The following SDCCAG8 variants were observed in gnomAD, a reference collection of about 807,000 sequenced individuals.
The protein encoded by SDCCAG8 is serologically defined colon cancer antigen 8.
A neutral mutation model predicts 101.8 loss-of-function variants in SDCCAG8; 74 were observed. The ratio of observed to expected loss-of-function variants is 0.73; its 90% CI spans 0.60 to 0.88. SDCCAG8 has a LOEUF of 0.88. SDCCAG8 is among the 40% of genes least tolerant of loss of function. SDCCAG8 has a pLI of 0.00. For missense variants in SDCCAG8, 787 were observed against 822.6 expected (o/e 0.96, Z 0.53); for synonymous variants, 281 against 292.9 (o/e 0.96, Z 0.41).
chr1:243,309,175 G>T (rs563544022), intron 8 of SDCCAG8, among the ~76,000 whole-genome samples: 1 of 152,190 alleles, frequency 6.6e-6, no homozygotes, highest in African/African-American at 2.4e-5. Context: ...AGGCAGGTTA[G>T]CCTGTGACCA....
chr1:243,426,129 A>G (rs1218883394), intron 15 of SDCCAG8, among the ~76,000 whole-genome samples: 5 of 152,222 alleles, frequency 3.3e-5, no homozygotes, highest in African/African-American at 1.2e-4. Context: ...CTCAGTAAGT[A>G]TTTGTTAAAT....
intron 16 of SDCCAG8, among the ~76,000 whole-genome samples, chr1:243,434,281 C>A (rs1235380126): frequency 1.3e-5 from 2 of 152,208 alleles, no homozygotes; most frequent in Admixed American, 1.3e-4. Context: ...TGATCCCTGC[C>A]TCCTGCCACC....
At chr1:243,453,472 GTGT>G (rs1182215523) in intron 16 of SDCCAG8, among the ~76,000 whole-genome samples, 1 of 152,148 alleles carries the variant, frequency 6.6e-6, no homozygotes, top group African/African-American at 2.4e-5. Flanking sequence ...ACCAGACAGG[GTGT>G]TGTTTAAATA....
chr1:243,392,552 G>A (rs993144298), intron 13 of SDCCAG8, among the ~76,000 whole-genome samples: 6 of 152,160 alleles, frequency 3.9e-5, no homozygotes, highest in African/African-American at 1.4e-4. Context: ...AGTTAACAAC[G>A]TTTGGTTTGA....
At chr1:243,451,017 A>G (rs1208262327) in intron 16 of SDCCAG8, among the ~76,000 whole-genome samples, 2 of 152,246 alleles carry the variant, frequency 1.3e-5, no homozygotes, top group East Asian at 1.9e-4. Context: ...TGATATGACA[A>G]AATGTTCAAA....
Position 243,407,571 on chromosome 1 carries a change from C to G in SDCCAG8, c.1617-8131C>G, listed in dbSNP as rs564803450. Among the ~76,000 whole-genome samples, 4 of 152,260 alleles carry G rather than the reference C, an allele frequency of 2.6e-5. No individual in the cohort carries two copies. In the South Asian group the frequency reaches 8.3e-4, roughly 32 times the overall value. On this transcript the variant is annotated intron_variant, in intron 13 of 17. Transcript: ENST00000366541. The stretch of plus-strand genomic sequence containing the variant: ...GGCAATAGCTAGTCTACTGTATTGT[C>G]TTTTGCCTTGAAGGTAAGTTTTCAA...
chr1:243,375,277 T>C (rs1248112288), intron 12 of SDCCAG8, among the ~76,000 whole-genome samples: 1 of 152,150 alleles, frequency 6.6e-6, no homozygotes, highest in African/African-American at 2.4e-5. Flanking sequence ...GTGCATGCCA[T>C]TGGAGATTAG....
intron 16 of SDCCAG8, among the ~76,000 whole-genome samples, chr1:243,459,471 G>A (rs1658581074): frequency 6.6e-6 from 1 of 151,576 alleles, no homozygotes; most frequent in South Asian, 2.1e-4. Context: ...CCAGAAACAA[G>A]TCACTGAAGA....
chr1:243,269,542 C>G (rs753840623), intron 1 of SDCCAG8, among the ~76,000 whole-genome samples: 2 of 151,776 alleles, frequency 1.3e-5, no homozygotes, highest in Non-Finnish European at 2.9e-5. Flanking sequence ...GCTGTACCGC[C>G]GGGGCTGCCA....
At chr1:243,364,450 A>C (rs2076882837) in intron 12 of SDCCAG8, among the ~76,000 whole-genome samples, 1 of 152,180 alleles carries the variant, frequency 6.6e-6, no homozygotes. Context: ...TGGGAACCAG[A>C]GCATTCATAC....
chr1:243,284,463 GC>G (rs2069388794), intron 4 of SDCCAG8, among the ~76,000 whole-genome samples: 1 of 152,206 alleles, frequency 6.6e-6, no homozygotes, highest in African/African-American at 2.4e-5. Flanking sequence ...GTAGAGGGAA[GC>G]GTTCAATAGT....
rs188539306 is a variant in SDCCAG8 at position 243,492,584 on chromosome 1, G to A, written c.2112+3444G>A. Among the ~76,000 whole-genome samples the A allele has an allele frequency of 7.2e-4, 105 of 144,946 alleles. 2 individuals carry two copies. The highest frequency in any genetic ancestry group is 1.3e-3 in the Admixed American group (19 of 14,534). On this transcript the variant is annotated intron_variant, in intron 17 of 17. Coordinates refer to ENST00000366541, the MANE Select transcript of SDCCAG8 (RefSeq NM_006642.5). ...CTCCTAAAGTGCTGGGATTACAGGC[G>A]TGAGCCACTGCGCCCAGCTGTTTTT...
At chr1:243,382,828 C>T (rs1175630928) in intron 13 of SDCCAG8, among the ~76,000 whole-genome samples, 1 of 152,168 alleles carries the variant, frequency 6.6e-6, no homozygotes, top group Non-Finnish European at 1.5e-5. Flanking sequence ...GAAGTAGTAT[C>T]TTCAGAAGGT....
In SDCCAG8 at chr1:243,393,096, A is replaced by C. The variant is rs150570380; in HGVS notation, c.1616+14233A>C. On this transcript the variant is annotated intron_variant, in intron 13 of 17. Coordinates refer to ENST00000366541, the MANE Select transcript of SDCCAG8 (RefSeq NM_006642.5). ...TGAGCAACAAAACTGAAGCAAACTGAATCAGTGGGAGGTGGTTGTACAATC... is the reference window on the plus strand; with the variant it reads ...TGAGCAACAAAACTGAAGCAAACTGCATCAGTGGGAGGTGGTTGTACAATC... Among the ~76,000 whole-genome samples, 463 of 152,318 alleles carry C rather than the reference A, an allele frequency of 3.0e-3. 1 individual carries two copies. The highest frequency in any genetic ancestry group is 0.011 in the African/African-American group (439 of 41,568).
At chr1:243,408,562 C>T (rs898913244) in intron 13 of SDCCAG8, among the ~76,000 whole-genome samples, 1 of 152,070 alleles carries the variant, frequency 6.6e-6, no homozygotes, top group Non-Finnish European at 1.5e-5. Context: ...TGGCACACTC[C>T]CATATAGATA....
At chr1:243,307,919 A>T (rs1443440695) in intron 7 of SDCCAG8, 70 bp from the exon 8 acceptor site, 7 of 1,602,212 alleles carry the variant, frequency 4.4e-6, no homozygotes, top group Non-Finnish European at 5.9e-6. Context: ...AGTTAACATT[A>T]TGATGATTCA....
chr1:243,422,516 G>A (rs552586729), intron 15 of SDCCAG8, among the ~76,000 whole-genome samples: 1 of 152,268 alleles, frequency 6.6e-6, no homozygotes, highest in African/African-American at 2.4e-5. Flanking sequence ...TAGTTTTACT[G>A]TGTGGACTAT....
intron 16 of SDCCAG8, among the ~76,000 whole-genome samples, chr1:243,432,021 C>T (rs183485206): frequency 6.6e-6 from 1 of 152,186 alleles, no homozygotes; most frequent in Non-Finnish European, 1.5e-5. Flanking sequence ...ATGATCTTTA[C>T]CAAATCCGTA....
At chr1:243,291,417 T>A (rs1425379929) in intron 5 of SDCCAG8, among the ~76,000 whole-genome samples, 1 of 152,156 alleles carries the variant, frequency 6.6e-6, no homozygotes, top group East Asian at 1.9e-4. Flanking sequence ...TAATATGAAT[T>A]TTCACTGCCA....
Sources: allele counts gnomAD v4.1 joint callset (sites outside exome capture counted in the v4.1 genomes callset), GRCh38; gene constraint gnomAD v4.1.1; transcripts MANE v1.5; gene names NCBI Gene and HGNC (gene_info 2026-07-23, HGNC 2026-07-21).